Variants in GRIP1 observed in about 807,000 individuals in gnomAD.
GRIP1 encodes the protein glutamate receptor-interacting protein 1.
GRIP1 carries 45 observed loss-of-function variants against 129.9 expected under a neutral mutation model. The ratio of observed to expected loss-of-function variants is 0.35; its 90% CI spans 0.27 to 0.44. GRIP1 has a LOEUF of 0.44. Among genes scored for constraint, GRIP1 ranks in the 20% least tolerant of loss-of-function variants. GRIP1 has a pLI of 1.00. For synonymous variants in GRIP1, 530 were observed against 520.8 expected, an observed-to-expected ratio of 1.02 and a Z score of -0.24; for missense variants, 1,196 against 1,396.8, an observed-to-expected ratio of 0.86 and a Z score of 2.29.
upstream of GRIP1, chr12:66,679,172 G>C: frequency 1.5e-6 from 2 of 1,366,780 alleles, no homozygotes; most frequent in Non-Finnish European, 9.5e-7. Flanking sequence ...ATGCCGTTTC[G>C]ATAGCAACAA....
At chr12:66,632,543 A>C (rs1333359006) in intron 1 of GRIP1, among the ~76,000 whole-genome samples, 1 of 152,108 alleles carries the variant, frequency 6.6e-6, no homozygotes, top group Non-Finnish European at 1.5e-5. Context: ...CCCTTTTTCC[A>C]GTGAGAACCA....
At chr12:66,537,420 A>G (rs2061637812) in intron 4 of GRIP1, among the ~76,000 whole-genome samples, 1 of 152,088 alleles carries the variant, frequency 6.6e-6, no homozygotes, top group African/African-American at 2.4e-5. Context: ...GACATTTGGT[A>G]CAATCAAAAT....
chr12:66,934,462 T>A (rs2041451608), intron 1 of GRIP1, among the ~76,000 whole-genome samples: 2 of 152,328 alleles, frequency 1.3e-5, no homozygotes, highest in South Asian at 4.1e-4. Context: ...TGTACAGTAA[T>A]CATTTAGCTG....
chr12:66,702,687 T>C (rs896727921), intron 1 of GRIP1, among the ~76,000 whole-genome samples: 2 of 152,108 alleles, frequency 1.3e-5, no homozygotes, highest in Admixed American at 1.3e-4. Flanking sequence ...TGCACATTAA[T>C]AGCTTACTCA....
At chr12:66,812,841 C>A (rs17780004) in intron 1 of GRIP1, among the ~76,000 whole-genome samples, 2 of 151,944 alleles carry the variant, frequency 1.3e-5, no homozygotes, top group East Asian at 1.9e-4. Flanking sequence ...CATTAAAGGC[C>A]CTTGAATAAT....
intron 7 of GRIP1, among the ~76,000 whole-genome samples, chr12:66,467,404 T>C (rs1054021024): frequency 2.6e-5 from 4 of 152,182 alleles, no homozygotes; most frequent in African/African-American, 9.7e-5. Flanking sequence ...TCTCCCTCAT[T>C]TGCTGCTTTG....
At chr12:66,696,834 A>T (rs2035182414) in intron 1 of GRIP1, among the ~76,000 whole-genome samples, 1 of 143,876 alleles carries the variant, frequency 7.0e-6, no homozygotes. Context: ...AAAAAAAAAG[A>T]ATTACTGTTA....
At chr12:66,538,470 A>G (rs1365811896) in intron 4 of GRIP1, among the ~76,000 whole-genome samples, 2 of 152,016 alleles carry the variant, frequency 1.3e-5, no homozygotes, top group Non-Finnish European at 2.9e-5. Flanking sequence ...TTCTGGGATT[A>G]CAGGCATATG....
chr12:66,965,246 CCTT>C (rs1208625034), intron 1 of GRIP1, among the ~76,000 whole-genome samples: 10 of 152,058 alleles, frequency 6.6e-5, no homozygotes, highest in African/African-American at 2.4e-4. Flanking sequence ...AGTAAATACT[CCTT>C]CAACATCTTT....
intron 15 of GRIP1, among the ~76,000 whole-genome samples, chr12:66,411,182 G>A (rs1418871150): frequency 3.3e-5 from 5 of 152,096 alleles, no homozygotes; most frequent in South Asian, 4.1e-4. Context: ...CCCTGATACC[G>A]TTCCTCCTGA....
intron 1 of GRIP1, among the ~76,000 whole-genome samples, chr12:66,918,905 A>C (rs1466891229): frequency 1.3e-5 from 2 of 152,212 alleles, no homozygotes; most frequent in Non-Finnish European, 2.9e-5. Flanking sequence ...TTATATTTTC[A>C]TTTAAGCTTT....
chr12:66,412,196 G>A lies in GRIP1; in HGVS notation c.1839-5768C>T, dbSNP rs573057506. Among the ~76,000 whole-genome samples, 32 of 152,220 alleles carry A rather than the reference G, an allele frequency of 2.1e-4. No homozygotes were observed. In the East Asian group the frequency reaches 5.2e-3, roughly 25 times the overall value. ...CATAATCGTTGGATTCTCCAAGGTC[G>A]AAATGAAAGAAAAAAATGTTAAGCA... On this transcript the variant is annotated intron_variant, in intron 15 of 24. Transcript: ENST00000359742.
chr12:66,913,320 T>A (rs1456522397), intron 1 of GRIP1, among the ~76,000 whole-genome samples: 2 of 152,202 alleles, frequency 1.3e-5, no homozygotes, highest in Admixed American at 1.3e-4. Context: ...TATTGGAGCA[T>A]TTTGCAAGAT....
At position 66,981,559 on chromosome 12, in the gene GRIP1, T is replaced by C. The variant is rs2042242883; in HGVS notation, c.58+87491A>G. Among the ~76,000 whole-genome samples, 3 of 152,142 alleles carry C rather than the reference T, an allele frequency of 2.0e-5. No individual in the cohort carries two copies. The South Asian group carries it at 6.2e-4, about 31-fold the overall frequency. ...ACATAAAGGAATTTCACCTAAAGAATAAGTTCCTATGTATTACCAAAACTG... is the reference window on the plus strand; with the variant it reads ...ACATAAAGGAATTTCACCTAAAGAACAAGTTCCTATGTATTACCAAAACTG... On this transcript the variant is annotated intron_variant, in intron 1 of 1. Coordinates refer to the GRIP1 transcript ENST00000643019.
intron 2 of GRIP1, among the ~76,000 whole-genome samples, chr12:66,585,180 C>G (rs915909684): frequency 1.4e-5 from 2 of 146,444 alleles, no homozygotes; most frequent in African/African-American, 2.5e-5. Context: ...TATACATGTG[C>G]CATGCTGGTG....
intron 11 of GRIP1, among the ~76,000 whole-genome samples, chr12:66,454,820 T>A (rs1362153117): frequency 2.0e-5 from 3 of 152,234 alleles, no homozygotes; most frequent in African/African-American, 7.2e-5. Context: ...GTTAGATCAC[T>A]GATTACCAGT....
At chr12:66,863,900 C>T (rs535346410) in intron 1 of GRIP1, among the ~76,000 whole-genome samples, 1 of 152,154 alleles carries the variant, frequency 6.6e-6, no homozygotes, top group African/African-American at 2.4e-5. Flanking sequence ...AAGGACCACA[C>T]TGAATTGTAC....
intron 3 of GRIP1, 46 bp from the exon 4 acceptor site, chr12:66,539,269 G>T (rs1373394791): frequency 3.1e-6 from 5 of 1,612,204 alleles, no homozygotes; most frequent in Admixed American, 1.7e-5. Flanking sequence ...CCTCTCCATA[G>T]GCCAGTCTGA....
chr12:66,378,411 C>T (rs1474260449), intron 20 of GRIP1, among the ~76,000 whole-genome samples: 1 of 151,862 alleles, frequency 6.6e-6, no homozygotes, highest in Non-Finnish European at 1.5e-5. Context: ...GAGATCATAC[C>T]ACTGCACTCC....
Sources: gnomAD v4.1 joint callset for allele counts (sites outside exome capture counted in the v4.1 genomes callset) on GRCh38, gnomAD v4.1.1 for gene constraint, MANE v1.5 for transcripts, NCBI Gene and HGNC (gene_info 2026-07-23, HGNC 2026-07-21) for gene names.